METTL24: variants seen among roughly 807,000 people sequenced by gnomAD.
METTL24 encodes methyltransferase like 24.
A neutral mutation model predicts 32.7 loss-of-function variants in METTL24; 29 were observed. The observed-to-expected ratio is 0.89, with a 90% confidence interval of 0.66 to 1.21. The LOEUF (loss-of-function observed/expected upper bound fraction) is 1.21. METTL24 is among the 50% of genes most tolerant of loss of function. METTL24 has a pLI of 0.00. For missense variants in METTL24, 439 were observed against 468.1 expected (o/e 0.94, Z 0.57); for synonymous variants, 163 against 179.5 (o/e 0.91, Z 0.73).
intron 4 of METTL24, among the ~76,000 whole-genome samples, chr6:110,281,463 A>T (rs938885073): frequency 1.3e-5 from 2 of 152,002 alleles, no homozygotes; most frequent in African/African-American, 4.8e-5. Flanking sequence ...CAATATGGTG[A>T]AACCCCGTCT....
At chr6:110,300,460 A>G (rs1285753501) in intron 3 of METTL24, among the ~76,000 whole-genome samples, 4 of 140,084 alleles carry the variant, frequency 2.9e-5, no homozygotes. Flanking sequence ...TGGCTCCATC[A>G]CCCAGGCCGG....
At chr6:110,295,038 T>G (rs1771388331) in intron 4 of METTL24, among the ~76,000 whole-genome samples, 1 of 141,190 alleles carries the variant, frequency 7.1e-6, no homozygotes, top group East Asian at 2.0e-4. Flanking sequence ...TTTTTTTTTT[T>G]TGAGAGAGGG....
At chr6:110,269,025 T>C (rs1770908005) in intron 4 of METTL24, among the ~76,000 whole-genome samples, 1 of 152,156 alleles carries the variant, frequency 6.6e-6, no homozygotes, top group Non-Finnish European at 1.5e-5. Context: ...GAAAAAATTA[T>C]TTGAGACCCA....
intron 2 of METTL24, among the ~76,000 whole-genome samples, chr6:110,319,163 G>A (rs1771882603): frequency 6.6e-6 from 1 of 152,098 alleles, no homozygotes; most frequent in African/African-American, 2.4e-5. Context: ...AATGATCTGC[G>A]TGTTTACAGA....
chr6:110,282,639 CA>C (rs1035066181), intron 4 of METTL24, among the ~76,000 whole-genome samples: 2 of 151,790 alleles, frequency 1.3e-5, no homozygotes, highest in East Asian at 3.9e-4. Flanking sequence ...CTACCTGACC[CA>C]AAGCCAGCAT....
intron 4 of METTL24, among the ~76,000 whole-genome samples, chr6:110,296,440 CAT>C (rs1360303138): frequency 6.6e-6 from 1 of 152,248 alleles, no homozygotes; most frequent in Non-Finnish European, 1.5e-5. Context: ...TTCTAATCCA[CAT>C]GGTTTTGCTG....
In METTL24 at chr6:110,358,170, G is replaced by A. The variant is rs1372498754; in HGVS notation, c.103C>T (p.Arg35Cys). 7.3e-6 allele frequency: 9 copies of A among 1,228,306 alleles called. No homozygotes were observed. The South Asian group carries it at 1.3e-4, about 18-fold the overall frequency. 76.1% of individuals were successfully genotyped at this position (1,228,306 alleles called of 1,614,324 possible). The change falls in exon 1 of 5, where the codon CGC becomes TGC. Residue 35 changes from arginine to cysteine, a missense_variant. Coordinates refer to ENST00000338882, the MANE Select transcript of METTL24 (RefSeq NM_001123364.3). ...CGGGTGGGGGACCCGGGCCCGGCGC[G>A]CCGCAGCTCTGCGCAGAGCCGCAGG... ...FGLRLCAELR[R>C]AGPGSPTRSA...
intron 4 of METTL24, among the ~76,000 whole-genome samples, chr6:110,257,489 T>C (rs73765690): frequency 0.072 from 10,932 of 152,244 alleles, 581 homozygotes; most frequent in African/African-American, 0.16. Context: ...CCATACTGGA[T>C]GGTGCAGCCA....
intron 3 of METTL24, among the ~76,000 whole-genome samples, chr6:110,308,513 A>C (rs1265617184): frequency 6.6e-6 from 1 of 152,176 alleles, no homozygotes; most frequent in African/African-American, 2.4e-5. Flanking sequence ...CAGAATGATC[A>C]ATAATAGTAA....
At position 110,322,857 on chromosome 6, in the gene METTL24, T is replaced by C. The variant is rs1771952582; in HGVS notation, c.334A>G (p.Ile112Val). The C allele has an allele frequency of 3.7e-6, 6 of 1,613,534 alleles. No individual in the cohort carries two copies. The Admixed American group carries it at 5.0e-5, about 13-fold the overall frequency. The change falls in exon 2 of 5, where the codon ATA (isoleucine) becomes GTA (valine). Residue 112 changes from isoleucine (I) to valine (V), a missense_variant. Physicochemically the swap from Ile to Val is conservative, Grantham distance 29 (BLOSUM62 3). Transcript: ENST00000338882. ...GAGCCTGCCCAAGGCTGGAGATCTA[T>C]ATGCCACCGGGGACCCTGCAAGAGA... Reference protein sequence around the residue: ...RPRRKGPRWHIDLQPWAGSAQ... With the variant: ...RPRRKGPRWHVDLQPWAGSAQ...
At chr6:110,290,146 C>T (rs901880468) in intron 4 of METTL24, among the ~76,000 whole-genome samples, 1 of 141,022 alleles carries the variant, frequency 7.1e-6, no homozygotes, top group East Asian at 1.9e-4. Flanking sequence ...AAATTCCTGG[C>T]CTCAAGAGAT....
chr6:110,357,999 G>T lies in METTL24; in HGVS notation c.274C>A (p.Pro92Thr). The T allele has an allele frequency of 8.5e-7, 1 of 1,171,526 alleles. No homozygotes were observed. The highest frequency in any genetic ancestry group is 1.1e-6 in the Non-Finnish European group (1 of 949,312). The allele number at this position is 1,171,526 out of a possible 1,614,324, so 72.6% of individuals were successfully genotyped here. A position where few individuals can be genotyped will look rare whatever the true frequency, so the allele number is the denominator to read the frequency against. ...APPGGGGSGT[P>T]EPGCCAPRGR... ...CGCGGGGCACAGCAGCCAGGCTCCG[G>T]CGTCCCGCTCCCGCCGCCCCCCGGC... Residue 92 changes from proline (P) to threonine (T), a missense_variant, in exon 1 of 5, where the codon CCG (proline) becomes ACG (threonine). Coordinates refer to ENST00000338882, the MANE Select transcript of METTL24 (RefSeq NM_001123364.3).
intron 1 of METTL24, among the ~76,000 whole-genome samples, chr6:110,330,065 G>A (rs762295284): frequency 6.6e-6 from 1 of 152,256 alleles, no homozygotes; most frequent in African/African-American, 2.4e-5. Flanking sequence ...GGGCACTGGC[G>A]CAGCCAGGAA....
intron 4 of METTL24, among the ~76,000 whole-genome samples, chr6:110,295,841 G>GGAAGGAAGGAAGGAAT (rs1165460076): frequency 6.7e-6 from 1 of 149,360 alleles, no homozygotes; most frequent in Non-Finnish European, 1.5e-5. Flanking sequence ...AAGGAAGGAA[G>GGAAGGAAGGAAGGAAT]GTTCTCTATA....
intron 1 of METTL24, among the ~76,000 whole-genome samples, chr6:110,344,383 C>A (rs1174233475): frequency 6.6e-6 from 1 of 152,126 alleles, no homozygotes; most frequent in Non-Finnish European, 1.5e-5. Context: ...AGCTAAGGGG[C>A]CCTGAGGCCA....
intron 1 of METTL24, among the ~76,000 whole-genome samples, chr6:110,333,211 T>C (rs1018964598): frequency 2.0e-5 from 3 of 152,138 alleles, no homozygotes; most frequent in African/African-American, 7.2e-5. Context: ...GACGTCAGTG[T>C]ATTCAGGAGG....
chr6:110,302,551 ATG>A lies in METTL24; in HGVS notation c.558-3403_558-3402del, dbSNP rs1172772756. ...TATATATACACATATACACACACAT[ATG>A]TGTATATATACACACATACACACAC... On this transcript the variant is annotated intron_variant, in intron 3 of 4. Coordinates refer to ENST00000338882, the MANE Select transcript of METTL24 (RefSeq NM_001123364.3). 2.6e-4 allele frequency among the ~76,000 whole-genome samples: 29 copies of A among 109,832 alleles called. 2 individuals carry two copies. The highest frequency in any genetic ancestry group is 4.8e-4 in the Non-Finnish European group (28 of 58,060). The allele number at this position is 109,832 out of a possible 152,430, so 72.1% of individuals were successfully genotyped here.
At chr6:110,326,394 G>C (rs570934841) in intron 1 of METTL24, among the ~76,000 whole-genome samples, 1 of 152,178 alleles carries the variant, frequency 6.6e-6, no homozygotes, top group Non-Finnish European at 1.5e-5. Flanking sequence ...ATTTCTGAAG[G>C]CTTCCATGTC....
At chr6:110,297,039 T>C (rs1026114197) in intron 4 of METTL24, among the ~76,000 whole-genome samples, 3 of 152,244 alleles carry the variant, frequency 2.0e-5, no homozygotes, top group African/African-American at 7.2e-5. Context: ...AGAATATCAA[T>C]ATCTTTTAAA....
Sources: gnomAD v4.1 joint callset for allele counts (sites outside exome capture counted in the v4.1 genomes callset) on GRCh38, gnomAD v4.1.1 for gene constraint, MANE v1.5 for transcripts, NCBI Gene and HGNC (gene_info 2026-07-23, HGNC 2026-07-21) for gene names.